The following SIM2 variants were observed in gnomAD, a reference collection of about 807,000 sequenced individuals.
SIM2 encodes single-minded homolog 2.
Under a neutral mutation model 64.8 loss-of-function variants are expected in SIM2, and 28 were observed. The observed-to-expected ratio is 0.43, with a 90% CI of 0.32 to 0.59. The LOEUF (loss-of-function observed/expected upper bound fraction) is 0.59, where lower values mean the gene tolerates loss of function less well. Ranked by LOEUF, SIM2 falls within the 20% of genes least tolerant of loss-of-function variation. SIM2 has a pLI of 0.07. For synonymous variants in SIM2, 408 were observed against 391.1 expected (o/e 1.04, Z -0.51); for missense variants, 847 against 871.4 (o/e 0.97, Z 0.35).
chr21:36,722,859 G>C (rs2088842094), intron 4 of SIM2, among the ~76,000 whole-genome samples, 186 bp from the exon 5 acceptor site: 1 of 152,154 alleles, frequency 6.6e-6, no homozygotes, highest in Non-Finnish European at 1.5e-5. Context: ...CACCAGGACT[G>C]GGCTGGTGTC....
chr21:36,737,998 AAAG>A (rs2089098275), intron 7 of SIM2, among the ~76,000 whole-genome samples: 1 of 151,244 alleles, frequency 6.6e-6, no homozygotes, highest in Non-Finnish European at 1.5e-5. Context: ...AAAAAAGCAA[AAAG>A]AAAAAAGCAT....
At position 36,732,633 on chromosome 21, in the gene SIM2, TG is replaced by T. The variant is rs540326293; in HGVS notation, c.850+1484del. 5.8e-3 allele frequency among the ~76,000 whole-genome samples: 889 copies of T among 152,354 alleles called. 6 individuals carry two copies. Among genetic ancestry groups the T allele is most frequent in the African/African-American group, 0.019 (797 of 41,582 alleles). On this transcript the variant is annotated intron_variant, in intron 7 of 10. Coordinates refer to ENST00000290399, the MANE Select transcript of SIM2 (RefSeq NM_005069.6). ...TTGCTCCTTGACTCATGTGGAGACT[TG>T]GAGGTGTGAACAACCCTTTTGTGTC...
At chr21:36,718,534 T>G (rs1215711412) in intron 3 of SIM2, among the ~76,000 whole-genome samples, 1 of 152,156 alleles carries the variant, frequency 6.6e-6, no homozygotes, top group Non-Finnish European at 1.5e-5. Flanking sequence ...TTACCCTCTC[T>G]CCTTCCGGCA....
Position 36,747,962 on chromosome 21 carries a change from C to T in SIM2, c.1874C>T (p.Ala625Val). 2.0e-6 allele frequency: 2 copies of T among 1,007,660 alleles called. No homozygotes were observed. Among genetic ancestry groups the T allele is most frequent in the Non-Finnish European group, 2.4e-6 (2 of 848,038 alleles). 62.4% of individuals were successfully genotyped at this position (1,007,660 alleles called of 1,614,324 possible). Residue 625 changes from alanine to valine, a missense_variant, in exon 11 of 11, where the codon GCT becomes GTT. Physicochemically the swap from Ala to Val is moderately conservative, Grantham distance 64. Around this residue, in one of 3 missense-constraint regions of SIM2, gnomAD observed 447 missense variants for 414.6 expected, o/e 1.08. Transcript: ENST00000290399. This position sits in a 1 kb window ranked among gnomAD's most constrained non-coding sequence, Gnocchi z 4.5. ...AAPAASGLAC[A>V]PGGPEAATGA... ...CCCGCCGCCTCCGGCCTGGCCTGCG[C>T]TCCCGGCGGCCCCGAGGCGGCGACC...
intron 7 of SIM2, among the ~76,000 whole-genome samples, chr21:36,736,074 CG>C (rs943064263): frequency 6.6e-6 from 1 of 152,192 alleles, no homozygotes; most frequent in Non-Finnish European, 1.5e-5. Context: ...CCGAGGGATG[CG>C]GGGACACAGG....
chr21:36,721,164 GGA>G (rs1376288516), intron 4 of SIM2, among the ~76,000 whole-genome samples: 1 of 152,140 alleles, frequency 6.6e-6, no homozygotes, highest in African/African-American at 2.4e-5. Context: ...TCCTTACCAA[GGA>G]GAGAGCCTGG....
rs1670285612 is a variant in SIM2 at position 36,745,157 on chromosome 21, G to C, written c.1576+21G>C. On this transcript the variant is annotated intron_variant, in intron 10 of 10. Transcript: ENST00000290399. This position sits in a 1 kb window ranked among gnomAD's most constrained non-coding sequence, Gnocchi z 4.8. ...CGAAGGTGGGTCAGGTCTGCTCGTGGGGAAGGTGGGAGGACTGCGCACGGC... is the reference window on the plus strand; with the variant it reads ...CGAAGGTGGGTCAGGTCTGCTCGTGCGGAAGGTGGGAGGACTGCGCACGGC... 5.6e-6 allele frequency: 9 copies of C among 1,597,688 alleles called. No homozygotes were observed. In the East Asian group the frequency reaches 2.0e-4, roughly 36 times the overall value.
chr21:36,707,885 G>C (rs1316734715), intron 1 of SIM2, among the ~76,000 whole-genome samples: 2 of 151,124 alleles, frequency 1.3e-5, no homozygotes, highest in African/African-American at 2.4e-5. Context: ...CGCGCTGCCC[G>C]GGGGCTCCTG....
chr21:36,714,313 CA>C (rs1298500584), intron 3 of SIM2, among the ~76,000 whole-genome samples: 1 of 152,044 alleles, frequency 6.6e-6, no homozygotes, highest in Admixed American at 6.5e-5. Context: ...GATGACTGAT[CA>C]AAAATCTTTT....
At position 36,712,560 on chromosome 21, in the gene SIM2, G is replaced by C. The variant is rs1315885122; in HGVS notation, c.286G>C (p.Ala96Pro). The C allele has an allele frequency of 6.2e-7, 1 of 1,613,202 alleles. No individual in the cohort carries two copies. Among genetic ancestry groups the C allele is most frequent in the Non-Finnish European group, 8.5e-7 (1 of 1,179,340 alleles). ...TTTGGATGGATTTGTTTTTGTGGTAGCATCTGATGGCAAAATCATGTATAT... is the reference window on the plus strand; with the variant it reads ...TTTGGATGGATTTGTTTTTGTGGTACCATCTGATGGCAAAATCATGTATAT... ...QTLDGFVFVV[A>P]SDGKIMYISE... is the part of the protein sequence containing the mutation. The change falls in exon 3 of 11, where the codon GCA (alanine) becomes CCA (proline). Residue 96 changes from alanine (A) to proline (P), a missense_variant. Coordinates refer to ENST00000290399, the MANE Select transcript of SIM2 (RefSeq NM_005069.6).
intron 1 of SIM2, among the ~76,000 whole-genome samples, chr21:36,701,134 T>G (rs1346976572): frequency 6.6e-6 from 1 of 152,088 alleles, no homozygotes; most frequent in Non-Finnish European, 1.5e-5. Context: ...TTCTGGTGGG[T>G]CCTCTGGGCC....
At position 36,747,519 on chromosome 21, in the gene SIM2, C is replaced by T; in HGVS notation, c.1577-146C>T. The T allele has an allele frequency of 2.4e-6, 1 of 415,262 alleles. No individual in the cohort carries two copies. 25.7% of individuals were successfully genotyped at this position (415,262 alleles called of 1,614,324 possible). A position where few individuals can be genotyped will look rare whatever the true frequency, so the allele number is the denominator to read the frequency against. ...GCGTCCTGAGATTGGACAGCACGGC[C>T]TAGACTAAGGCGGGGGAGGGCGACA... On this transcript the variant is annotated intron_variant, in intron 10 of 10. Transcript: ENST00000290399. This position sits in a 1 kb window ranked among gnomAD's most constrained non-coding sequence, Gnocchi z 4.5.
chr21:36,701,856 T>A (rs1032807740), intron 1 of SIM2, among the ~76,000 whole-genome samples: 10 of 152,188 alleles, frequency 6.6e-5, no homozygotes, highest in African/African-American at 2.4e-4. Flanking sequence ...CTTAACCGCA[T>A]GCAACAAAGC....
chr21:36,719,668 A>C (rs747292572), intron 3 of SIM2, among the ~76,000 whole-genome samples, 153 bp from the exon 4 acceptor site: 1 of 152,186 alleles, frequency 6.6e-6, no homozygotes, highest in African/African-American at 2.4e-5. Context: ...TTGAGAAAAG[A>C]AAACTGTTTC....
intron 3 of SIM2, among the ~76,000 whole-genome samples, chr21:36,714,313 C>CA (rs1298500584): frequency 2.6e-5 from 4 of 152,044 alleles, no homozygotes; most frequent in Admixed American, 2.6e-4. Context: ...GATGACTGAT[C>CA]AAAAATCTTT....
chr21:36,714,237 T>C (rs1463906764), intron 3 of SIM2, among the ~76,000 whole-genome samples: 1 of 152,230 alleles, frequency 6.6e-6, no homozygotes, highest in Non-Finnish European at 1.5e-5. Flanking sequence ...TTTAGTCATT[T>C]AGAAAACCTT....
At position 36,745,872 on chromosome 21, in the gene SIM2, C is replaced by A. The variant is rs976895596; in HGVS notation, c.1576+736C>A. 1.0e-5 allele frequency: 13 copies of A among 1,301,922 alleles called. No homozygotes were observed. The highest frequency in any genetic ancestry group is 6.9e-5 in the Admixed American group (3 of 43,532). The allele number at this position is 1,301,922 out of a possible 1,614,324, so 80.6% of individuals were successfully genotyped here. On this transcript the variant is annotated intron_variant, in intron 10 of 10. Coordinates refer to ENST00000290399, the MANE Select transcript of SIM2 (RefSeq NM_005069.6). This position sits in a 1 kb window ranked among gnomAD's most constrained non-coding sequence, Gnocchi z 4.8. ...ACTCCTGTTTGCTCGCTGGACCAAC[C>A]CCAGGCAGAAGGTGGAAGGTGGGAA...
Position 36,747,898 on chromosome 21 carries a change from C to A in SIM2, c.1810C>A (p.Arg604Ser), listed in dbSNP as rs1280305205. The change falls in exon 11 of 11, where the codon CGC becomes AGC. Residue 604 changes from arginine (R) to serine (S), a missense_variant. Physicochemically the swap from Arg to Ser is moderately radical, Grantham distance 110. Coordinates refer to ENST00000290399, the MANE Select transcript of SIM2 (RefSeq NM_005069.6). This position sits in a 1 kb window ranked among gnomAD's most constrained non-coding sequence, Gnocchi z 4.5. ...GCCCTTCGTGCTGCTCAACTACCACCGCGTGCTGGCCCGGCGCGGACCGCT... is the reference window on the plus strand; with the variant it reads ...GCCCTTCGTGCTGCTCAACTACCACAGCGTGCTGGCCCGGCGCGGACCGCT... ...QLPFVLLNYH[R>S]VLARRGPLGG... 13 of 1,071,822 alleles carry A rather than the reference C, an allele frequency of 1.2e-5. No homozygotes were observed. Among genetic ancestry groups the A allele is most frequent in the Admixed American group, 4.2e-5 (1 of 23,934 alleles). 66.4% of individuals were successfully genotyped at this position (1,071,822 alleles called of 1,614,324 possible). A position where few individuals can be genotyped will look rare whatever the true frequency, so the allele number is the denominator to read the frequency against.
At position 36,735,690 on chromosome 21, in the gene SIM2, T is replaced by A. The variant is rs1052663673; in HGVS notation, c.850+4539T>A. ...TGGTGTTTGGGTCCTGATGGGGACT[T>A]GGGGACTGTCTTAGTGTCCCAGGCA... On this transcript the variant is annotated intron_variant, in intron 7 of 10. Transcript: ENST00000290399. Among the ~76,000 whole-genome samples, 2 of 152,208 alleles carry A rather than the reference T, an allele frequency of 1.3e-5. 1 individual carries two copies. The highest frequency in any genetic ancestry group is 4.1e-4 in the South Asian group (2 of 4,824).
Sources: gnomAD v4.1 joint callset for allele counts (sites outside exome capture counted in the v4.1 genomes callset) on GRCh38, gnomAD v4.1.1 for gene constraint, gnomAD v4.1.1 regional missense constraint, Gnocchi (gnomAD v3.1) non-coding constraint, MANE v1.5 for transcripts, NCBI Gene and HGNC (gene_info 2026-07-23, HGNC 2026-07-21) for gene names.